ADAMTS9: variants seen among roughly 807,000 people sequenced by gnomAD.
ADAMTS9 encodes A disintegrin and metalloproteinase with thrombospondin motifs 9.
In ADAMTS9, 107 loss-of-function variants were observed where a neutral mutation model predicts 257.1. That is an observed-to-expected ratio of 0.42 (90% CI 0.36 to 0.49). The LOEUF is 0.49. Among genes scored for constraint, ADAMTS9 ranks in the 20% least tolerant of loss-of-function variants. The probability of loss-of-function intolerance (pLI) is 0.03; values close to 1 mark genes in which losing one functional copy is unlikely to be tolerated. For synonymous variants in ADAMTS9, 982 were observed against 880.9 expected, an observed-to-expected ratio of 1.11 and a Z score of -2.03; for missense variants, 2,353 against 2,469.1, an observed-to-expected ratio of 0.95 and a Z score of 1.00.
intron 37 of ADAMTS9, among the ~76,000 whole-genome samples, chr3:64,536,904 T>C (rs989599378): frequency 6.6e-6 from 1 of 152,160 alleles, no homozygotes; most frequent in Non-Finnish European, 1.5e-5. Context: ...CACAAAGCAA[T>C]AGTGGTCAAT....
chr3:64,635,886 A>G (rs780317762), intron 12 of ADAMTS9, among the ~76,000 whole-genome samples: 8 of 152,128 alleles, frequency 5.3e-5, no homozygotes, highest in Non-Finnish European at 1.2e-4. Context: ...TGAATAATAG[A>G]TCAGGACTGT....
intron 8 of ADAMTS9, among the ~76,000 whole-genome samples, chr3:64,653,936 G>A (rs1205247888): frequency 6.6e-6 from 1 of 151,980 alleles, no homozygotes; most frequent in African/African-American, 2.4e-5. Flanking sequence ...GGAATGGTCT[G>A]GATTTGTAAA....
chr3:64,579,422 C>T (rs2083936871), intron 28 of ADAMTS9, among the ~76,000 whole-genome samples: 1 of 152,172 alleles, frequency 6.6e-6, no homozygotes. Context: ...CTCTTCTACG[C>T]TATCTCCTAT....
At chr3:64,614,492 C>A (rs1398592832) in intron 21 of ADAMTS9, among the ~76,000 whole-genome samples, 1 of 152,154 alleles carries the variant, frequency 6.6e-6, no homozygotes, top group Non-Finnish European at 1.5e-5. Flanking sequence ...GGGATAAGAG[C>A]ATGGATGTAG....
intron 3 of ADAMTS9, among the ~76,000 whole-genome samples, chr3:64,677,887 C>CG (rs1232368221): frequency 1.3e-5 from 2 of 152,140 alleles, no homozygotes; most frequent in African/African-American, 4.8e-5. Flanking sequence ...AATGAAGAAA[C>CG]GGAACTGTAG....
rs1345086415 is a variant in ADAMTS9 at position 64,541,006 on chromosome 3, C to A, written c.5521+89G>T. On this transcript the variant is annotated intron_variant, in intron 36 of 39. Transcript: ENST00000498707. ...TGCAATGTGCAATGTGCAATACGCACCTCCCTGCTAGCCAATGTGCAAGAC... is the reference window on the plus strand; with the variant it reads ...TGCAATGTGCAATGTGCAATACGCAACTCCCTGCTAGCCAATGTGCAAGAC... The A allele has an allele frequency of 1.0e-5, 16 of 1,544,884 alleles. No individual in the cohort carries two copies. The South Asian group carries it at 1.7e-4, about 16-fold the overall frequency.
intron 3 of ADAMTS9, among the ~76,000 whole-genome samples, chr3:64,671,280 A>G (rs1449376633): frequency 2.0e-5 from 3 of 152,224 alleles, no homozygotes; most frequent in Non-Finnish European, 4.4e-5. Flanking sequence ...TATATTCTGC[A>G]AAAGGCAAAA....
chr3:64,543,181 A>G (rs2083150072), intron 32 of ADAMTS9, among the ~76,000 whole-genome samples: 1 of 135,830 alleles, frequency 7.4e-6, no homozygotes, highest in Non-Finnish European at 1.6e-5. Flanking sequence ...GAATTCTACC[A>G]GAGGTACAAA....
chr3:64,548,574 A>T (rs552210072), intron 31 of ADAMTS9, among the ~76,000 whole-genome samples: 1 of 142,698 alleles, frequency 7.0e-6, no homozygotes, highest in Non-Finnish European at 1.6e-5. Flanking sequence ...CAGGAGCAAA[A>T]GTCGTCCCCT....
intron 28 of ADAMTS9, among the ~76,000 whole-genome samples, chr3:64,590,436 T>C (rs1017243320): frequency 2.0e-5 from 3 of 152,194 alleles, no homozygotes; most frequent in Non-Finnish European, 4.4e-5. Context: ...AAACATTGTA[T>C]ATAAAATTAA....
At chr3:64,640,722 C>T (rs574921012) in intron 12 of ADAMTS9, among the ~76,000 whole-genome samples, 1 of 152,094 alleles carries the variant, frequency 6.6e-6, no homozygotes, top group Admixed American at 6.5e-5. Context: ...TTTTACTTAC[C>T]TATTATTTTC....
At chr3:64,678,977 C>T (rs1417049972) in intron 3 of ADAMTS9, among the ~76,000 whole-genome samples, 2 of 152,124 alleles carry the variant, frequency 1.3e-5, no homozygotes, top group Non-Finnish European at 2.9e-5. Flanking sequence ...AGCAAGCAAA[C>T]ACTAGGAGGA....
intron 12 of ADAMTS9, among the ~76,000 whole-genome samples, chr3:64,640,604 T>C (rs146006685): frequency 2.6e-4 from 39 of 152,332 alleles, no homozygotes; most frequent in African/African-American, 9.1e-4. Flanking sequence ...GTCTTAAAAA[T>C]GGTTGTTGGT....
At chr3:64,685,162 A>C (rs923102558) in intron 2 of ADAMTS9, 5 of 152,194 alleles carry the variant, frequency 3.3e-5, no homozygotes, top group African/African-American at 1.2e-4. Flanking sequence ...CTGGGGGCTA[A>C]AGGGGTTTAT....
In ADAMTS9 at chr3:64,541,990, C is replaced by T; in HGVS notation, c.5065-20G>A. ...TGAGCACTGTAAGACAAATGAGAGT[C>T]AGCGGTGTGGCTATGGAATGTGGGA... On this transcript the variant is annotated intron_variant, in intron 32 of 39. Coordinates refer to ENST00000498707, the MANE Select transcript of ADAMTS9 (RefSeq NM_182920.2). The T allele has an allele frequency of 6.2e-7, 1 of 1,613,738 alleles. No homozygotes were observed. Among genetic ancestry groups the T allele is most frequent in the Non-Finnish European group, 8.5e-7 (1 of 1,179,830 alleles).
At chr3:64,544,202 A>C (rs36144509) in intron 32 of ADAMTS9, among the ~76,000 whole-genome samples, 7 of 152,066 alleles carry the variant, frequency 4.6e-5, no homozygotes, top group Middle Eastern at 3.2e-3. Flanking sequence ...AGGTAATTTA[A>C]AGATTCAATG....
intron 16 of ADAMTS9, among the ~76,000 whole-genome samples, chr3:64,623,000 A>G (rs909610417): frequency 1.5e-4 from 23 of 152,200 alleles, no homozygotes; most frequent in African/African-American, 5.5e-4. Flanking sequence ...ATCTATATAT[A>G]CTAGAATTAG....
intron 38 of ADAMTS9, among the ~76,000 whole-genome samples, chr3:64,527,169 C>A (rs1259709402): frequency 6.6e-6 from 1 of 152,184 alleles, no homozygotes; most frequent in African/African-American, 2.4e-5. Flanking sequence ...CACCCACTCA[C>A]ATTCCTTAAA....
chr3:64,678,211 C>G (rs2107038465), intron 3 of ADAMTS9, among the ~76,000 whole-genome samples: 1 of 152,280 alleles, frequency 6.6e-6, no homozygotes, highest in Middle Eastern at 3.4e-3. Flanking sequence ...ATCTTAACAT[C>G]CTGCAACTTC....
Sources: allele counts gnomAD v4.1 joint callset (sites outside exome capture counted in the v4.1 genomes callset), GRCh38; gene constraint gnomAD v4.1.1; transcripts MANE v1.5; gene names NCBI Gene and HGNC (gene_info 2026-07-23, HGNC 2026-07-21).